The following PKNOX2 variants were observed in gnomAD, a reference collection of about 807,000 sequenced individuals.
PKNOX2 encodes the protein PBX/knotted 1 homeobox 2.
In PKNOX2, 14 loss-of-function variants were observed where a neutral mutation model predicts 53.1. That is an observed-to-expected ratio of 0.26 (90% CI 0.17 to 0.41). PKNOX2 has a LOEUF of 0.41. Ranked by LOEUF, PKNOX2 falls within the 10% of genes least tolerant of loss-of-function variation. The probability of loss-of-function intolerance (pLI) is 1.00; values close to 1 mark genes in which losing one functional copy is unlikely to be tolerated. For missense variants in PKNOX2, 496 were observed against 602.8 expected, an observed-to-expected ratio of 0.82 and a Z score of 1.85; for synonymous variants, 257 against 242.8, an observed-to-expected ratio of 1.06 and a Z score of -0.54.
At chr11:125,345,759 A>G (rs1275833874) in intron 3 of PKNOX2, among the ~76,000 whole-genome samples, 3 of 152,176 alleles carry the variant, frequency 2.0e-5, no homozygotes, top group Non-Finnish European at 4.4e-5. Flanking sequence ...CCAAAAGATG[A>G]ATATCACACT....
intron 2 of PKNOX2, among the ~76,000 whole-genome samples, chr11:125,259,369 T>C (rs1452062393): frequency 1.3e-5 from 2 of 152,200 alleles, no homozygotes; most frequent in African/African-American, 4.8e-5. Context: ...TCCTGCCAGC[T>C]CTGACAACTT....
At chr11:125,365,423 A>G (rs1276502331) in intron 4 of PKNOX2, among the ~76,000 whole-genome samples, 1 of 152,164 alleles carries the variant, frequency 6.6e-6, no homozygotes, top group Non-Finnish European at 1.5e-5. Context: ...AAACACGGCT[A>G]CTAAGCCATG....
At chr11:125,328,615 G>A (rs907029990) in intron 2 of PKNOX2, among the ~76,000 whole-genome samples, 1 of 152,156 alleles carries the variant, frequency 6.6e-6, no homozygotes, top group Non-Finnish European at 1.5e-5. Flanking sequence ...AAAGCTCCCA[G>A]GATTGGCCCA....
In PKNOX2 at chr11:125,410,467, A is replaced by C. The variant is rs576419192; in HGVS notation, c.718+142A>C. 6.8e-5 allele frequency: 82 copies of C among 1,213,170 alleles called. No individual in the cohort carries two copies. In the African/African-American group the frequency reaches 1.1e-3, roughly 17 times the overall value. 75.2% of individuals were successfully genotyped at this position (1,213,170 alleles called of 1,614,324 possible). A position where few individuals can be genotyped will look rare whatever the true frequency, so the allele number is the denominator to read the frequency against. Reference sequence around the variant, plus strand: ...AGTTTCTTGACTAAAGTTTTCTGTAAGTTTATAGACGGTTAGCGCCAAGAC... The same window carrying C: ...AGTTTCTTGACTAAAGTTTTCTGTACGTTTATAGACGGTTAGCGCCAAGAC... On this transcript the variant is annotated intron_variant, in intron 8 of 12. Coordinates refer to ENST00000298282, the MANE Select transcript of PKNOX2 (RefSeq NM_001382323.2).
At chr11:125,285,955 T>C (rs1042837863) in intron 2 of PKNOX2, among the ~76,000 whole-genome samples, 5 of 152,150 alleles carry the variant, frequency 3.3e-5, no homozygotes, top group Non-Finnish European at 5.9e-5. Context: ...CAACTTCACA[T>C]TGGTAGCTTG....
intron 10 of PKNOX2, among the ~76,000 whole-genome samples, chr11:125,420,591 C>T (rs532336870): frequency 7.4e-4 from 112 of 152,262 alleles, no homozygotes; most frequent in African/African-American, 2.6e-3. Flanking sequence ...TACTTTCTAA[C>T]AGCATTTTGA....
At chr11:125,368,223 T>G (rs1285219507) in intron 5 of PKNOX2, among the ~76,000 whole-genome samples, 1 of 152,158 alleles carries the variant, frequency 6.6e-6, no homozygotes, top group Non-Finnish European at 1.5e-5. Flanking sequence ...ACTTCCTATC[T>G]CAACCAGGGA....
intron 2 of PKNOX2, among the ~76,000 whole-genome samples, chr11:125,278,034 T>G (rs1022001810): frequency 3.3e-5 from 5 of 151,880 alleles, no homozygotes; most frequent in Non-Finnish European, 7.4e-5. Context: ...CTGGGCAACA[T>G]GGCAAAACCC....
At chr11:125,287,482 G>A (rs1946979249) in intron 2 of PKNOX2, among the ~76,000 whole-genome samples, 1 of 152,206 alleles carries the variant, frequency 6.6e-6, no homozygotes, top group African/African-American at 2.4e-5. Context: ...TGGAAACAGA[G>A]CCTGACTCCT....
Position 125,335,122 on chromosome 11 carries a change from C to T in PKNOX2, c.-23+3197C>T, listed in dbSNP as rs190346571. On this transcript the variant is annotated intron_variant, in intron 3 of 12. Coordinates refer to ENST00000298282, the MANE Select transcript of PKNOX2 (RefSeq NM_001382323.2). ...CTTTATTAAAACTGCTTCTTTCCCA[C>T]TACCATGGACACTAGGGAAGGGCGA... 4.1e-3 allele frequency among the ~76,000 whole-genome samples: 627 copies of T among 152,282 alleles called. 6 individuals carry two copies. Among genetic ancestry groups the T allele is most frequent in the African/African-American group, 0.014 (565 of 41,540 alleles).
At position 125,357,501 on chromosome 11, in the gene PKNOX2, G is replaced by T. The variant is rs573676891; in HGVS notation, c.87+6109G>T. Among the ~76,000 whole-genome samples the T allele has an allele frequency of 5.9e-5, 9 of 152,240 alleles. No homozygotes were observed. In the South Asian group the frequency reaches 1.9e-3, roughly 32 times the overall value. ...CTACTCCCTTGTCCCCAAGCAGAAC[G>T]AATGAATGCCCTAAACAGCTACAAA... On this transcript the variant is annotated intron_variant, in intron 4 of 12. Coordinates refer to ENST00000298282, the MANE Select transcript of PKNOX2 (RefSeq NM_001382323.2).
chr11:125,298,588 T>C (rs1038525260), intron 2 of PKNOX2, among the ~76,000 whole-genome samples: 3 of 152,204 alleles, frequency 2.0e-5, no homozygotes, highest in East Asian at 1.9e-4. Flanking sequence ...GAGCTGTGCA[T>C]AGACAGGCCT....
intron 3 of PKNOX2, 34 bp from the exon 4 acceptor site, chr11:125,351,250 G>A: frequency 3.3e-6 from 3 of 917,496 alleles, no homozygotes; most frequent in Non-Finnish European, 5.3e-6. Flanking sequence ...GCTCAGCGGT[G>A]TTAACGGTGC....
At chr11:125,409,446 C>A (rs540233363) in intron 7 of PKNOX2, among the ~76,000 whole-genome samples, 167 of 152,280 alleles carry the variant, frequency 1.1e-3, no homozygotes, top group African/African-American at 3.9e-3. Context: ...AGGAAGAGAA[C>A]AGGATCGATG....
At chr11:125,239,224 G>A (rs1170701737) in intron 2 of PKNOX2, among the ~76,000 whole-genome samples, 1 of 152,182 alleles carries the variant, frequency 6.6e-6, no homozygotes, top group Admixed American at 6.5e-5. Flanking sequence ...ATACACATTA[G>A]TGTCTTGCCC....
chr11:125,198,366 G>A (rs1395934797), intron 1 of PKNOX2, among the ~76,000 whole-genome samples: 4 of 152,168 alleles, frequency 2.6e-5, no homozygotes, highest in Non-Finnish European at 5.9e-5. Context: ...AGGGCGATAC[G>A]ACACCACACC....
chr11:125,169,956 C>T (rs1023144764), intron 1 of PKNOX2, among the ~76,000 whole-genome samples: 6 of 152,236 alleles, frequency 3.9e-5, no homozygotes, highest in Non-Finnish European at 8.8e-5. Flanking sequence ...ATGGTGTTAC[C>T]TGGAATAGCT....
At chr11:125,338,990 C>T (rs1950551337) in intron 3 of PKNOX2, among the ~76,000 whole-genome samples, 1 of 152,184 alleles carries the variant, frequency 6.6e-6, no homozygotes, top group African/African-American at 2.4e-5. Flanking sequence ...AGACCCATTC[C>T]TAGTATTCAA....
At chr11:125,356,081 C>A (rs1249807501) in intron 4 of PKNOX2, among the ~76,000 whole-genome samples, 1 of 148,978 alleles carries the variant, frequency 6.7e-6, no homozygotes, top group African/African-American at 2.5e-5. Context: ...TACTGTTCCA[C>A]AAATATCTTT....
Sources: allele counts gnomAD v4.1 joint callset (sites outside exome capture counted in the v4.1 genomes callset), GRCh38; gene constraint gnomAD v4.1.1; transcripts MANE v1.5; gene names NCBI Gene and HGNC (gene_info 2026-07-23, HGNC 2026-07-21).